Variants in STARD13 observed in about 807,000 individuals in gnomAD.
STARD13 encodes StAR related lipid transfer domain containing 13, also known as stAR-related lipid transfer protein 13.
A neutral mutation model predicts 106.4 loss-of-function variants in STARD13; 62 were observed. The ratio of observed to expected loss-of-function variants is 0.58; its 90% CI spans 0.48 to 0.72. The LOEUF is 0.72. Ranked by LOEUF, STARD13 falls within the 30% of genes least tolerant of loss-of-function variation. STARD13 has a pLI of 0.00. For missense variants in STARD13, 1,387 were observed against 1,424.0 expected (o/e 0.97, Z 0.42); for synonymous variants, 565 against 553.0 (o/e 1.02, Z -0.31).
the STARD13 span, among the ~76,000 whole-genome samples, chr13:33,628,698 G>A: frequency 5.9e-5 from 9 of 152,182 alleles, no homozygotes; most frequent in Middle Eastern, 3.2e-3. Context: ...ACAGCAGATG[G>A]GAATGACTGA....
chr13:33,652,019 C>A, the STARD13 span, among the ~76,000 whole-genome samples: 1 of 152,322 alleles, frequency 6.6e-6, no homozygotes, highest in Admixed American at 6.5e-5. Flanking sequence ...TCATGTTGAG[C>A]AGTGCCACGT....
intron 1 of STARD13, chr13:33,180,261 A>G (rs1885101937): frequency 6.6e-6 from 1 of 152,242 alleles, no homozygotes; most frequent in African/African-American, 2.4e-5. Flanking sequence ...GCCTTCTCCT[A>G]AGAGGCTGTT....
the STARD13 span, among the ~76,000 whole-genome samples, chr13:33,465,609 A>G: frequency 6.6e-6 from 1 of 152,146 alleles, no homozygotes; most frequent in African/African-American, 2.4e-5. Flanking sequence ...GGCATTCAGG[A>G]TGGGACTTAC....
the STARD13 span, among the ~76,000 whole-genome samples, chr13:33,463,746 G>A: frequency 6.6e-6 from 1 of 152,146 alleles, no homozygotes; most frequent in Non-Finnish European, 1.5e-5. Flanking sequence ...GGGTGCAGTG[G>A]CTCATGCCTG....
chr13:33,633,087 A>T, the STARD13 span, among the ~76,000 whole-genome samples: 31 of 152,314 alleles, frequency 2.0e-4, no homozygotes, highest in Non-Finnish European at 3.4e-4. Flanking sequence ...GGTATGTTGT[A>T]AATAACAATA....
chr13:33,405,869 T>C, the STARD13 span, among the ~76,000 whole-genome samples: 1 of 152,206 alleles, frequency 6.6e-6, no homozygotes, highest in African/African-American at 2.4e-5. Context: ...AAATCTTACA[T>C]TGAATTGGAC....
chr13:33,640,052 A>T, the STARD13 span, among the ~76,000 whole-genome samples: 1 of 152,198 alleles, frequency 6.6e-6, no homozygotes, highest in African/African-American at 2.4e-5. Context: ...TTCCTAAAGC[A>T]GGTGTACAAT....
At chr13:33,133,058 A>G (rs1878539887) in intron 4 of STARD13, among the ~76,000 whole-genome samples, 1 of 152,150 alleles carries the variant, frequency 6.6e-6, no homozygotes, top group African/African-American at 2.4e-5. Flanking sequence ...ACAGTTTTTG[A>G]GAAGACAAAA....
chr13:33,436,691 T>G, the STARD13 span, among the ~76,000 whole-genome samples: 1 of 152,198 alleles, frequency 6.6e-6, no homozygotes, highest in Non-Finnish European at 1.5e-5. Flanking sequence ...TTGGTCCCAG[T>G]GGACAGCTTA....
At chr13:33,371,072 C>A in the STARD13 span, among the ~76,000 whole-genome samples, 1 of 152,252 alleles carries the variant, frequency 6.6e-6, no homozygotes, top group African/African-American at 2.4e-5. Context: ...ATGGGCTCCT[C>A]CTCAATAAAA....
At chr13:33,346,424 C>A (rs2138611540), downstream of STARD13, among the ~76,000 whole-genome samples, 1 of 152,260 alleles carries the variant, frequency 6.6e-6, no homozygotes, top group Middle Eastern at 3.4e-3. Context: ...GGCACAGAAA[C>A]CCATAGGCTT....
the STARD13 span, among the ~76,000 whole-genome samples, chr13:33,580,550 G>A: frequency 6.6e-6 from 1 of 152,028 alleles, no homozygotes; most frequent in African/African-American, 2.4e-5. Flanking sequence ...TGGACTTTTA[G>A]TTAATTATGT....
At chr13:33,280,840 C>A (rs973902600) in intron 1 of STARD13, 1 of 152,098 alleles carries the variant, frequency 6.6e-6, no homozygotes, top group East Asian at 1.9e-4. Flanking sequence ...TTAATCCAAA[C>A]CCTTTATTTA....
upstream of STARD13, chr13:33,285,867 AG>A: frequency 1.0e-6 from 1 of 965,338 alleles, no homozygotes; most frequent in Non-Finnish European, 1.4e-6. Context: ...GTTTGCAGTC[AG>A]CCCTAAGCCC....
At chr13:33,645,999 A>T in the STARD13 span, among the ~76,000 whole-genome samples, 1 of 111,458 alleles carries the variant, frequency 9.0e-6, no homozygotes, top group African/African-American at 8.4e-5. Context: ...AATAAGGGAC[A>T]CACGGACACA....
In STARD13 at chr13:33,128,986, G is replaced by A. The variant is rs1877685627; in HGVS notation, c.1691C>T (p.Pro564Leu). ...AGAATCCCTCCTGTCTCTGACCCCA[G>A]GAGGCTCAGATTCATTAAGAGATGT... ...DVTSLNESEPPGVRDRRDSGV... is the reference protein window; with the variant it reads ...DVTSLNESEPLGVRDRRDSGV... Residue 564 changes from proline to leucine, a missense_variant, in exon 5 of 14, where the codon CCT becomes CTT. Coordinates refer to ENST00000336934, the MANE Select transcript of STARD13 (RefSeq NM_178006.4). The A allele has an allele frequency of 1.2e-5, 19 of 1,613,966 alleles. No individual in the cohort carries two copies. The highest frequency in any genetic ancestry group is 1.6e-5 in the Non-Finnish European group (19 of 1,180,018).
the STARD13 span, among the ~76,000 whole-genome samples, chr13:33,412,601 C>G: frequency 6.6e-6 from 1 of 151,946 alleles, no homozygotes; most frequent in Non-Finnish European, 1.5e-5. Context: ...TATAACGATA[C>G]AGGCAGGTTG....
the STARD13 span, among the ~76,000 whole-genome samples, chr13:33,563,445 T>G: frequency 2.0e-5 from 3 of 147,128 alleles, no homozygotes; most frequent in Non-Finnish European, 4.5e-5. Flanking sequence ...GCCAACTCAT[T>G]TTCAACAAAA....
At chr13:33,115,683 TA>T (rs1875267186) in intron 8 of STARD13, among the ~76,000 whole-genome samples, 1 of 152,152 alleles carries the variant, frequency 6.6e-6, no homozygotes, top group Non-Finnish European at 1.5e-5. Context: ...GTGTTTGGTT[TA>T]AGGGGGAAGC....
Sources: allele counts gnomAD v4.1 joint callset (sites outside exome capture counted in the v4.1 genomes callset), GRCh38; gene constraint gnomAD v4.1.1; transcripts MANE v1.5; gene names NCBI Gene and HGNC (gene_info 2026-07-23, HGNC 2026-07-21).